The following NUBPL variants were observed in gnomAD, a reference collection of about 807,000 sequenced individuals.
NUBPL encodes NUBP iron-sulfur cluster assembly factor, mitochondrial.
In NUBPL, 31 loss-of-function variants were observed where a neutral mutation model predicts 45.7. That is an observed-to-expected ratio of 0.68 (90% CI 0.51 to 0.92). The LOEUF (loss-of-function observed/expected upper bound fraction) is 0.92. NUBPL is among the 40% of genes least tolerant of loss of function. NUBPL has a pLI of 0.00. For missense variants in NUBPL, 401 were observed against 398.7 expected (o/e 1.01, Z -0.05); for synonymous variants, 144 against 140.9 (o/e 1.02, Z -0.15).
At chr14:31,639,596 C>A (rs919015377) in intron 4 of NUBPL, among the ~76,000 whole-genome samples, 4 of 152,218 alleles carry the variant, frequency 2.6e-5, no homozygotes, top group African/African-American at 9.6e-5. Flanking sequence ...CCTGGGAGAA[C>A]CACTGCTCTC....
chr14:31,591,510 G>A (rs781745765), intron 3 of NUBPL, among the ~76,000 whole-genome samples: 1 of 152,100 alleles, frequency 6.6e-6, no homozygotes, highest in Non-Finnish European at 1.5e-5. Flanking sequence ...CTTTGTAATA[G>A]ATTTTCTTTC....
intron 7 of NUBPL, among the ~76,000 whole-genome samples, chr14:31,806,846 C>T (rs923033952): frequency 1.3e-5 from 2 of 152,178 alleles, no homozygotes; most frequent in Non-Finnish European, 2.9e-5. Context: ...TGTTCAATTC[C>T]CACCTATCAG....
chr14:31,561,481 G>A lies in NUBPL; in HGVS notation c.42G>A (p.Ser14=), dbSNP rs2033276508. Residue 14 remains serine (S), a synonymous_variant, in exon 1 of 11, where the codon TCG becomes TCA. Transcript: ENST00000281081. The part of the protein sequence containing the change: ...WQRLLLFGGV[S]LRAGGGATAP... ...GTCTGCTGCTTTTTGGTGGGGTGTC[G>A]CTCCGGGCTGGTGGCGGGGCCACTG... The A allele has an allele frequency of 7.1e-7, 1 of 1,408,732 alleles. No individual in the cohort carries two copies. The highest frequency in any genetic ancestry group is 1.8e-5 in the South Asian group (1 of 56,480). The allele number at this position is 1,408,732 out of a possible 1,614,324, so 87.3% of individuals were successfully genotyped here. A position where few individuals can be genotyped will look rare whatever the true frequency, so the allele number is the denominator to read the frequency against.
At chr14:31,668,577 T>C (rs2036494742) in intron 4 of NUBPL, among the ~76,000 whole-genome samples, 1 of 152,190 alleles carries the variant, frequency 6.6e-6, no homozygotes. Context: ...TCTGTCACAC[T>C]GGGGTTCCAG....
intron 7 of NUBPL, among the ~76,000 whole-genome samples, chr14:31,790,429 T>G (rs2039358129): frequency 6.6e-6 from 1 of 152,176 alleles, no homozygotes; most frequent in Non-Finnish European, 1.5e-5. Flanking sequence ...GTCTTTTTTT[T>G]GTTGTGGTGG....
intron 4 of NUBPL, among the ~76,000 whole-genome samples, chr14:31,653,597 A>T (rs1329140616): frequency 6.6e-6 from 1 of 152,142 alleles, no homozygotes; most frequent in Non-Finnish European, 1.5e-5. Flanking sequence ...AATCGCTGTT[A>T]TTCTGTTCTT....
chr14:31,672,348 GC>G (rs1195257478), intron 4 of NUBPL, among the ~76,000 whole-genome samples: 3 of 151,324 alleles, frequency 2.0e-5, no homozygotes, highest in Non-Finnish European at 2.9e-5. Flanking sequence ...TATTAGATTA[GC>G]ATATATATAA....
chr14:31,622,771 G>C (rs1202798594), intron 4 of NUBPL, among the ~76,000 whole-genome samples: 1 of 152,246 alleles, frequency 6.6e-6, no homozygotes, highest in Non-Finnish European at 1.5e-5. Flanking sequence ...GGAAATGCCT[G>C]GATGTCCAGG....
chr14:31,593,595 C>G, intron 3 of NUBPL, among the ~76,000 whole-genome samples: 1 of 150,588 alleles, frequency 6.6e-6, no homozygotes, highest in Admixed American at 6.6e-5. Context: ...CTGCAGATAC[C>G]TAGAGACAAC....
At chr14:31,820,001 A>G (rs1239229607) in intron 7 of NUBPL, among the ~76,000 whole-genome samples, 2 of 151,902 alleles carry the variant, frequency 1.3e-5, no homozygotes, top group Non-Finnish European at 2.9e-5. Context: ...TTACCTGGGC[A>G]TGGTGGCGGG....
chr14:31,703,576 G>A (rs764120762), intron 6 of NUBPL, among the ~76,000 whole-genome samples: 13 of 152,138 alleles, frequency 8.5e-5, no homozygotes, highest in African/African-American at 1.9e-4. Context: ...ATGGATGGCC[G>A]CAGACAGAGA....
intron 4 of NUBPL, among the ~76,000 whole-genome samples, chr14:31,668,684 G>A (rs949488240): frequency 4.6e-5 from 7 of 152,222 alleles, no homozygotes; most frequent in Admixed American, 3.9e-4. Context: ...CGCTGGTGGT[G>A]TAGGCACTTG....
intron 4 of NUBPL, among the ~76,000 whole-genome samples, chr14:31,634,668 A>T (rs1284648663): frequency 4.6e-5 from 7 of 152,124 alleles, no homozygotes; most frequent in Non-Finnish European, 8.8e-5. Context: ...CGCCACACTG[A>T]CTTCCACAAT....
At chr14:31,837,405 T>A (rs1048943275) in intron 8 of NUBPL, among the ~76,000 whole-genome samples, 1 of 152,172 alleles carries the variant, frequency 6.6e-6, no homozygotes, top group Non-Finnish European at 1.5e-5. Flanking sequence ...CCTTAAAAGA[T>A]TAGGTAGGAG....
intron 6 of NUBPL, among the ~76,000 whole-genome samples, chr14:31,697,333 CA>C (rs2037235621): frequency 6.6e-6 from 1 of 152,088 alleles, no homozygotes; most frequent in African/African-American, 2.4e-5. Flanking sequence ...ATATATTGAT[CA>C]AAGGGGAATG....
rs77064658 is a variant in NUBPL at position 31,834,749 on chromosome 14, C to T, written c.693+8035C>T. ...AACAACCCTGTGAAATACAGAACAT[C>T]ATTTCCCCCATTTTGCACATGAGGA... On this transcript the variant is annotated intron_variant, in intron 8 of 10. Coordinates refer to ENST00000281081, the MANE Select transcript of NUBPL (RefSeq NM_025152.3). Among the ~76,000 whole-genome samples the T allele has an allele frequency of 5.8e-3, 887 of 152,242 alleles. 7 individuals are homozygous for T. The highest frequency in any genetic ancestry group is 9.1e-3 in the Non-Finnish European group (618 of 68,034).
At chr14:31,730,931 T>C (rs866344855) in intron 6 of NUBPL, among the ~76,000 whole-genome samples, 1 of 152,166 alleles carries the variant, frequency 6.6e-6, no homozygotes, top group Non-Finnish European at 1.5e-5. Flanking sequence ...TAATCAGGCA[T>C]GGAAGGATAA....
At chr14:31,812,587 T>G (rs1050256577) in intron 7 of NUBPL, among the ~76,000 whole-genome samples, 4 of 152,200 alleles carry the variant, frequency 2.6e-5, no homozygotes, top group African/African-American at 9.6e-5. Flanking sequence ...CCCCTTGCAC[T>G]TCCCTGGTGA....
At chr14:31,602,153 A>G (rs1348611522) in intron 4 of NUBPL, among the ~76,000 whole-genome samples, 8 of 151,400 alleles carry the variant, frequency 5.3e-5, no homozygotes, top group African/African-American at 1.7e-4. Flanking sequence ...AAAACCAAAC[A>G]CTGCATGTTC....
Sources: gnomAD v4.1 joint callset for allele counts (sites outside exome capture counted in the v4.1 genomes callset) on GRCh38, gnomAD v4.1.1 for gene constraint, MANE v1.5 for transcripts, NCBI Gene and HGNC (gene_info 2026-07-23, HGNC 2026-07-21) for gene names.